NRXN3: variants seen among roughly 807,000 people sequenced by gnomAD.
NRXN3 encodes neurexin III.
In NRXN3, 32 loss-of-function variants were observed where a neutral mutation model predicts 137.6. The observed-to-expected ratio is 0.23, with a 90% CI of 0.18 to 0.31. The LOEUF (loss-of-function observed/expected upper bound fraction) is 0.31. Among genes scored for constraint, NRXN3 ranks in the 10% least tolerant of loss-of-function variants. The probability of loss-of-function intolerance (pLI) is 1.00; values close to 1 mark genes in which losing one functional copy is unlikely to be tolerated. For synonymous variants in NRXN3, 798 were observed against 784.5 expected (o/e 1.02, Z -0.29); for missense variants, 1,574 against 2,062.5 (o/e 0.76, Z 4.59).
rs540466645 is a variant in NRXN3, at chr14:78,740,371, T to C, written c.2044+25232T>C. 1.2e-4 allele frequency among the ~76,000 whole-genome samples: 10 copies of C among 86,436 alleles called. No homozygotes were observed. The East Asian group carries it at 3.1e-3, about 27-fold the overall frequency. 56.7% of individuals were successfully genotyped at this position (86,436 alleles called of 152,430 possible). On this transcript the variant is annotated intron_variant, in intron 8 of 20. Coordinates refer to ENST00000335750, the MANE Select transcript of NRXN3 (RefSeq NM_001330195.2). The stretch of plus-strand genomic sequence containing the variant: ...GTAACAGTTAATAATAAAGCACTTG[T>C]TCCCTTGTCTCCTTTTTTTTTTCTG...
intron 15 of NRXN3, among the ~76,000 whole-genome samples, chr14:79,440,397 G>A (rs1459865153): frequency 1.3e-5 from 2 of 152,142 alleles, no homozygotes; most frequent in South Asian, 2.1e-4. Flanking sequence ...ACAACAAGGC[G>A]TATGAACAGC....
chr14:78,536,129 C>CA (rs1249095682), intron 4 of NRXN3, among the ~76,000 whole-genome samples: 3 of 152,156 alleles, frequency 2.0e-5, no homozygotes, highest in Admixed American at 6.5e-5. Context: ...TTCGATCAGG[C>CA]ATGCATTTTT....
At chr14:79,739,897 A>G (rs894188419) in intron 19 of NRXN3, among the ~76,000 whole-genome samples, 3 of 152,096 alleles carry the variant, frequency 2.0e-5, no homozygotes, top group African/African-American at 7.2e-5. Flanking sequence ...TCCACTCTGC[A>G]TCCTTTTCCA....
intron 15 of NRXN3, among the ~76,000 whole-genome samples, chr14:79,325,319 C>T (rs1327955463): frequency 1.3e-5 from 2 of 152,232 alleles, no homozygotes; most frequent in East Asian, 3.9e-4. Flanking sequence ...TTGTGCCATG[C>T]TAGTATTGAC....
At chr14:78,735,713 A>T (rs562960654) in intron 8 of NRXN3, among the ~76,000 whole-genome samples, 1 of 152,286 alleles carries the variant, frequency 6.6e-6, no homozygotes, top group African/African-American at 2.4e-5. Flanking sequence ...GGGACAGTTG[A>T]TATCTTTAAT....
chr14:78,280,855 C>A (rs377430772), intron 3 of NRXN3, among the ~76,000 whole-genome samples: 1 of 152,156 alleles, frequency 6.6e-6, no homozygotes, highest in African/African-American at 2.4e-5. Context: ...TGGCCCACAC[C>A]ATTTCAATTT....
At chr14:78,873,703 A>T (rs1470877542) in intron 10 of NRXN3, among the ~76,000 whole-genome samples, 1 of 152,170 alleles carries the variant, frequency 6.6e-6, no homozygotes, top group Non-Finnish European at 1.5e-5. Context: ...TGATGTACAG[A>T]AGTCTACTTG....
At chr14:78,926,802 A>T (rs1248893052) in intron 10 of NRXN3, among the ~76,000 whole-genome samples, 1 of 48,474 alleles carries the variant, frequency 2.1e-5, no homozygotes, top group African/African-American at 1.1e-4. Context: ...TATATTATAT[A>T]TTTATATATA....
rs563045906 is a variant in NRXN3, at chr14:78,944,862, G to A, written c.2276-12380G>A. Among the ~76,000 whole-genome samples the A allele has an allele frequency of 3.3e-5, 5 of 152,264 alleles. No homozygotes were observed. The South Asian group carries it at 1.0e-3, about 32-fold the overall frequency. On this transcript the variant is annotated intron_variant, in intron 10 of 20. Transcript: ENST00000335750. ...GGAATATCAGGAATCTTATTAAAAT[G>A]CCACTTCATAGTATCCATCCCAGAT...
chr14:78,570,157 A>G (rs2096876344), intron 4 of NRXN3, among the ~76,000 whole-genome samples: 1 of 152,216 alleles, frequency 6.6e-6, no homozygotes, highest in East Asian at 1.9e-4. Flanking sequence ...TAGGAGATAG[A>G]GCCTTTGGGA....
rs537961185 is a variant in NRXN3 at position 78,959,567 on chromosome 14, A to G, written c.2395+2206A>G. 1.1e-3 allele frequency among the ~76,000 whole-genome samples: 160 copies of G among 152,308 alleles called. 1 individual carries two copies. The highest frequency in any genetic ancestry group is 1.9e-3 in the Non-Finnish European group (126 of 68,024). Reference sequence around the variant, plus strand: ...TGACCTCTCCCTCACAAAAACAAAGACAAACAGAACCACCACAACAATTAC... The same window carrying G: ...TGACCTCTCCCTCACAAAAACAAAGGCAAACAGAACCACCACAACAATTAC... On this transcript the variant is annotated intron_variant, in intron 11 of 20. Transcript: ENST00000335750.
At chr14:79,419,758 G>A (rs1171164892) in intron 15 of NRXN3, among the ~76,000 whole-genome samples, 2 of 152,172 alleles carry the variant, frequency 1.3e-5, no homozygotes, top group African/African-American at 4.8e-5. Flanking sequence ...ACAAAATGAG[G>A]ATGGAAGCTC....
At chr14:78,511,443 C>T (rs2096106458) in intron 4 of NRXN3, among the ~76,000 whole-genome samples, 1 of 152,128 alleles carries the variant, frequency 6.6e-6, no homozygotes, top group Admixed American at 6.6e-5. Flanking sequence ...GTGTTAATCT[C>T]CCACTTCTAT....
chr14:79,286,816 A>G (rs1193420175), intron 15 of NRXN3, among the ~76,000 whole-genome samples: 1 of 152,104 alleles, frequency 6.6e-6, no homozygotes, highest in Middle Eastern at 3.2e-3. Context: ...AGTTACTAAG[A>G]AACATTGTGA....
At position 79,857,289 on chromosome 14, in the gene NRXN3, T is replaced by C. The variant is rs969600298; in HGVS notation, c.4094-4053T>C. 3.3e-5 allele frequency among the ~76,000 whole-genome samples: 5 copies of C among 152,202 alleles called. No individual in the cohort carries two copies. In the East Asian group the frequency reaches 9.6e-4, roughly 29 times the overall value. On this transcript the variant is annotated intron_variant, in intron 20 of 20. Transcript: ENST00000335750. ...CAGGCTGGAGTGCAGTGGCGTGATC[T>C]CGGCTCACTGCAAGCTCTGCCTCCC...
chr14:79,560,651 C>T (rs1324480525), intron 16 of NRXN3, among the ~76,000 whole-genome samples: 1 of 151,604 alleles, frequency 6.6e-6, no homozygotes, highest in East Asian at 2.0e-4. Flanking sequence ...GCTAGTACTA[C>T]AGGCATGCAC....
chr14:79,463,161 A>C (rs180757924), intron 15 of NRXN3, among the ~76,000 whole-genome samples: 1 of 152,206 alleles, frequency 6.6e-6, no homozygotes, highest in East Asian at 1.9e-4. Flanking sequence ...TAATACAATA[A>C]GCAATAAAAT....
At chr14:79,053,105 A>C (rs1381264408) in intron 15 of NRXN3, among the ~76,000 whole-genome samples, 1 of 152,196 alleles carries the variant, frequency 6.6e-6, no homozygotes, top group African/African-American at 2.4e-5. Flanking sequence ...CTAGCACTGG[A>C]GATCTATGGA....
chr14:78,262,119 C>A (rs1476436594), intron 2 of NRXN3, among the ~76,000 whole-genome samples: 1 of 152,142 alleles, frequency 6.6e-6, no homozygotes, highest in Non-Finnish European at 1.5e-5. Flanking sequence ...GGGGAGAAAG[C>A]CAGGCAGCGG....
Sources: allele counts gnomAD v4.1 joint callset (sites outside exome capture counted in the v4.1 genomes callset), GRCh38; gene constraint gnomAD v4.1.1; transcripts MANE v1.5; gene names NCBI Gene and HGNC (gene_info 2026-07-23, HGNC 2026-07-21).